GAN: variants seen among roughly 807,000 people sequenced by gnomAD.
The protein encoded by GAN is epididymis secretory sperm binding protein.
GAN carries 48 observed loss-of-function variants against 71.3 expected under a neutral mutation model. The ratio of observed to expected loss-of-function variants is 0.67; its 90% CI spans 0.53 to 0.86. The LOEUF is 0.86. Among genes scored for constraint, GAN ranks in the 40% least tolerant of loss-of-function variants. The pLI is 0.00. For missense variants in GAN, 928 were observed against 770.1 expected (o/e 1.21, Z -2.43); for synonymous variants, 386 against 276.8 (o/e 1.39, Z -3.92).
rs1904400196 is a variant in GAN, at chr16:81,386,321, T to C, written c.*8725T>C. The C allele has an allele frequency of 6.6e-6, 1 of 152,244 alleles. No individual in the cohort carries two copies. The highest frequency in any genetic ancestry group is 2.4e-5 in the African/African-American group (1 of 41,460). 9.4% of individuals were successfully genotyped at this position (152,244 alleles called of 1,614,324 possible). ...AGAAACGAGATAATTCCTAGATCTC[T>C]GTTTTAGACCAGTAGACCTAACTGT... On this transcript the variant is annotated 3_prime_UTR_variant, in exon 11 of 11. Transcript: ENST00000648994.
At chr16:81,343,625 A>G (rs1910019284) in intron 1 of GAN, among the ~76,000 whole-genome samples, 1 of 152,206 alleles carries the variant, frequency 6.6e-6, no homozygotes, top group African/African-American at 2.4e-5. Flanking sequence ...TCTCAACATA[A>G]TAAGACCTAT....
intron 2 of GAN, 61 bp from the exon 3 acceptor site, chr16:81,354,344 T>G: frequency 9.9e-7 from 1 of 1,006,068 alleles, no homozygotes; most frequent in Non-Finnish European, 1.6e-6. Context: ...AATTAATAGG[T>G]TAGTGGTTTG....
intron 1 of GAN, among the ~76,000 whole-genome samples, chr16:81,350,218 G>C (rs57928297): frequency 0.029 from 4,390 of 152,220 alleles, 110 homozygotes; most frequent in East Asian, 0.082. Flanking sequence ...ATGAACAAAC[G>C]TTTTGCAAAA....
At chr16:81,374,453 T>G (rs1904275450) in intron 9 of GAN, among the ~76,000 whole-genome samples, 1 of 152,254 alleles carries the variant, frequency 6.6e-6, no homozygotes. Context: ...TACTGTGGTG[T>G]TTGCCTGATG....
rs1248451937 is a variant in GAN, at chr16:81,387,178, T to TA, written c.*9582_*9583insA. On this transcript the variant is annotated 3_prime_UTR_variant, in exon 11 of 11. Coordinates refer to ENST00000648994, the MANE Select transcript of GAN (RefSeq NM_022041.4). ...GTTGGGTGTTAGATCTGCAATACTC[T>TA]TCATAGTGTAATGGCTAAATGTAAA... The TA allele has an allele frequency of 6.6e-6, 1 of 152,174 alleles. No homozygotes were observed. Among genetic ancestry groups the TA allele is most frequent in the Non-Finnish European group, 1.5e-5 (1 of 68,040 alleles). The allele number at this position is 152,174 out of a possible 1,614,324, so 9.4% of individuals were successfully genotyped here.
chr16:81,352,862 A>G (rs1457028508), intron 2 of GAN, among the ~76,000 whole-genome samples: 1 of 152,246 alleles, frequency 6.6e-6, no homozygotes, highest in African/African-American at 2.4e-5. Context: ...TCCACCTTGT[A>G]AAGTCAATCC....
At chr16:81,342,433 C>G (rs939944702) in intron 1 of GAN, among the ~76,000 whole-genome samples, 1 of 152,256 alleles carries the variant, frequency 6.6e-6, no homozygotes, top group Admixed American at 6.5e-5. Flanking sequence ...AACAAACTGT[C>G]TCAGACCACA....
chr16:81,373,493 A>G (rs1462756249), intron 9 of GAN, among the ~76,000 whole-genome samples: 1 of 152,250 alleles, frequency 6.6e-6, no homozygotes, highest in East Asian at 1.9e-4. Context: ...AGTTGCAGAA[A>G]TAGTTAAAGA....
At position 81,388,975 on chromosome 16, in the gene GAN, T is replaced by C. The variant is rs1384417763; in HGVS notation, c.*11379T>C. 2 of 152,180 alleles carry C rather than the reference T, an allele frequency of 1.3e-5. No individual in the cohort carries two copies. Among genetic ancestry groups the C allele is most frequent in the African/African-American group, 4.8e-5 (2 of 41,432 alleles). The allele number at this position is 152,180 out of a possible 1,614,324, so 9.4% of individuals were successfully genotyped here. A position where few individuals can be genotyped will look rare whatever the true frequency, so the allele number is the denominator to read the frequency against. ...ATTGAAATTGACTTATGTTTTATTT[T>C]AAAAAATCATGTAGGATCTGGTACA... On this transcript the variant is annotated 3_prime_UTR_variant, in exon 11 of 11. Transcript: ENST00000648994.
intron 1 of GAN, among the ~76,000 whole-genome samples, chr16:81,322,301 T>C (rs1403131180): frequency 6.6e-6 from 1 of 152,234 alleles, no homozygotes; most frequent in Non-Finnish European, 1.5e-5. Flanking sequence ...AAATATTTTG[T>C]TGGTTATCTC....
intron 7 of GAN, among the ~76,000 whole-genome samples, chr16:81,364,662 C>T (rs538103589): frequency 1.3e-5 from 2 of 152,198 alleles, no homozygotes; most frequent in African/African-American, 4.8e-5. Context: ...GCACTCCAGC[C>T]AAGGCAACTG....
chr16:81,371,471 C>A (rs1014498286), intron 9 of GAN, among the ~76,000 whole-genome samples: 13 of 152,176 alleles, frequency 8.5e-5, no homozygotes, highest in Non-Finnish European at 1.5e-4. Context: ...TTTTAGTCAG[C>A]AATTGACTTG....
chr16:81,370,240 T>C (rs923117555), intron 9 of GAN, among the ~76,000 whole-genome samples: 2 of 152,214 alleles, frequency 1.3e-5, no homozygotes, highest in Non-Finnish European at 2.9e-5. Context: ...CTGACCACAT[T>C]GTGCTGTTTG....
chr16:81,366,313 T>C (rs1910855035), intron 9 of GAN, among the ~76,000 whole-genome samples: 1 of 152,210 alleles, frequency 6.6e-6, no homozygotes, highest in Non-Finnish European at 1.5e-5. Context: ...ATTAAGTGGC[T>C]GAGGCTTGAT....
At chr16:81,322,086 A>G (rs898034081) in intron 1 of GAN, among the ~76,000 whole-genome samples, 9 of 152,214 alleles carry the variant, frequency 5.9e-5, no homozygotes, top group African/African-American at 1.4e-4. Flanking sequence ...TGACTTAGCC[A>G]TAGAATGATG....
At chr16:81,362,353 CA>C (rs1910702907) in intron 5 of GAN, 145 bp from the exon 6 acceptor site, 1 of 691,986 alleles carries the variant, frequency 1.4e-6, no homozygotes, top group East Asian at 2.7e-5. Context: ...ACCAAGGATC[CA>C]ATGGGATGTG....
chr16:81,372,396 C>T (rs763771227), intron 9 of GAN, among the ~76,000 whole-genome samples: 2 of 152,132 alleles, frequency 1.3e-5, no homozygotes, highest in African/African-American at 4.8e-5. Flanking sequence ...GTATCTCACT[C>T]GACAGATGAG....
rs1329418006 is a variant in GAN at position 81,332,161 on chromosome 16, CAAAAAAAAAAAAAAA to C, written c.167+16882_167+16896del. 2.1e-4 allele frequency among the ~76,000 whole-genome samples: 13 copies of C among 60,676 alleles called. No individual in the cohort carries two copies. In the East Asian group the frequency reaches 8.8e-3, roughly 41 times the overall value. 39.8% of individuals were successfully genotyped at this position (60,676 alleles called of 152,430 possible). A position where few individuals can be genotyped will look rare whatever the true frequency, so the allele number is the denominator to read the frequency against. On this transcript the variant is annotated intron_variant, in intron 1 of 10. Transcript: ENST00000648994. ...GGGCAACGAGAGGGAAAATCTGTCTCAAAAAAAAAAAAAAAGAAAAAGAAAAAAAAGAAGCTCATG... is the reference window on the plus strand; with the variant it reads ...GGGCAACGAGAGGGAAAATCTGTCTCGAAAAAGAAAAAAAAGAAGCTCATG...
chr16:81,370,988 T>G (rs936875562), intron 9 of GAN, among the ~76,000 whole-genome samples: 2 of 152,236 alleles, frequency 1.3e-5, no homozygotes, highest in African/African-American at 4.8e-5. Flanking sequence ...ATGTTTTATT[T>G]TCATGACCAT....
Sources: allele counts gnomAD v4.1 joint callset (sites outside exome capture counted in the v4.1 genomes callset), GRCh38; gene constraint gnomAD v4.1.1; transcripts MANE v1.5; gene names NCBI Gene and HGNC (gene_info 2026-07-23, HGNC 2026-07-21).